Variants in GSE1 observed in about 807,000 individuals in gnomAD.
The protein encoded by GSE1 is genetic suppressor element 1.
GSE1 carries 32 observed loss-of-function variants against 112.6 expected under a neutral mutation model. That is an observed-to-expected ratio of 0.28 (90% CI 0.21 to 0.38). The LOEUF (loss-of-function observed/expected upper bound fraction) is 0.38. GSE1 is among the 10% of genes least tolerant of loss of function. GSE1 has a pLI of 1.00. For missense variants in GSE1, 2,348 were observed against 1,699.2 expected (o/e 1.38, Z -6.71); for synonymous variants, 1,115 against 735.6 (o/e 1.52, Z -8.35).
At chr16:85,552,089 G>A (rs1324439859), upstream of GSE1, among the ~76,000 whole-genome samples, 1 of 151,684 alleles carries the variant, frequency 6.6e-6, no homozygotes, top group Non-Finnish European at 1.5e-5. Flanking sequence ...GCAGTGGTGC[G>A]ATCTTGGCTC....
At chr16:85,617,843 C>T (rs558072236) in intron 1 of GSE1, among the ~76,000 whole-genome samples, 7 of 152,172 alleles carry the variant, frequency 4.6e-5, no homozygotes, top group Admixed American at 1.3e-4. Context: ...AGCCAGAGAC[C>T]GCCTTGCTTG....
intron 1 of GSE1, among the ~76,000 whole-genome samples, chr16:85,352,113 A>G (rs918772607): frequency 5.9e-5 from 9 of 152,194 alleles, no homozygotes; most frequent in African/African-American, 2.2e-4. Flanking sequence ...ACATACACAC[A>G]TACAGTCTTC....
At chr16:85,598,479 T>G (rs1407034897) in intron 1 of GSE1, among the ~76,000 whole-genome samples, 1 of 152,226 alleles carries the variant, frequency 6.6e-6, no homozygotes, top group African/African-American at 2.4e-5. Context: ...GAAACCAACT[T>G]TGATCTTTCA....
At chr16:85,184,112 A>G (rs2074652169) in intron 1 of GSE1, among the ~76,000 whole-genome samples, 1 of 152,210 alleles carries the variant, frequency 6.6e-6, no homozygotes, top group Non-Finnish European at 1.5e-5. Context: ...GGAAGGAATG[A>G]CAGGCTTCTG....
intron 2 of GSE1, among the ~76,000 whole-genome samples, chr16:85,499,295 C>CTTTTTTTTTT (rs568776401): frequency 5.2e-5 from 4 of 77,162 alleles, no homozygotes; most frequent in African/African-American, 2.1e-4. Context: ...GGAAAGTCAC[C>CTTTTTTTTTT]TTTTTTTTTT....
At chr16:85,589,781 A>G (rs1483671042) in intron 1 of GSE1, among the ~76,000 whole-genome samples, 2 of 151,722 alleles carry the variant, frequency 1.3e-5, no homozygotes, top group African/African-American at 2.4e-5. Flanking sequence ...TTGTGAATGT[A>G]TGTGTGAATA....
chr16:85,635,113 G>A (rs138498255), intron 2 of GSE1, among the ~76,000 whole-genome samples: 1 of 152,282 alleles, frequency 6.6e-6, no homozygotes, highest in Non-Finnish European at 1.5e-5. Context: ...TTGGCAGAGG[G>A]GACACCTGCC....
At chr16:85,471,830 C>A (rs1432576470) in intron 2 of GSE1, among the ~76,000 whole-genome samples, 1 of 152,250 alleles carries the variant, frequency 6.6e-6, no homozygotes, top group African/African-American at 2.4e-5. Flanking sequence ...CCCGCCTCAG[C>A]CTCCCGAGCA....
intron 1 of GSE1, among the ~76,000 whole-genome samples, chr16:85,342,096 G>T (rs1292832898): frequency 2.6e-5 from 4 of 151,946 alleles, no homozygotes; most frequent in African/African-American, 7.3e-5. Context: ...GCCCATCACT[G>T]CCACCTCCCT....
intron 2 of GSE1, among the ~76,000 whole-genome samples, chr16:85,418,491 C>A (rs536782609): frequency 6.6e-6 from 1 of 152,204 alleles, no homozygotes; most frequent in African/African-American, 2.4e-5. Flanking sequence ...CCCGCCTCCT[C>A]CAGGAAGCCC....
intron 2 of GSE1, among the ~76,000 whole-genome samples, chr16:85,379,079 C>T (rs1003425902): frequency 6.6e-6 from 1 of 152,150 alleles, no homozygotes; most frequent in Non-Finnish European, 1.5e-5. Flanking sequence ...TATGACTCTC[C>T]CCAGAGAGCT....
At chr16:85,563,347 A>AG (rs1351802227) in intron 1 of GSE1, among the ~76,000 whole-genome samples, 2 of 152,178 alleles carry the variant, frequency 1.3e-5, no homozygotes, top group Admixed American at 6.5e-5. Flanking sequence ...AGGAAAAAAA[A>AG]TCAGTGAGAA....
At chr16:85,597,678 C>G (rs1331430040) in intron 1 of GSE1, among the ~76,000 whole-genome samples, 1 of 152,132 alleles carries the variant, frequency 6.6e-6, no homozygotes, top group East Asian at 1.9e-4. Flanking sequence ...GCCATGTTGC[C>G]TAGACTGGTC....
chr16:85,497,928 G>A (rs982225317), intron 2 of GSE1, among the ~76,000 whole-genome samples: 4 of 152,178 alleles, frequency 2.6e-5, no homozygotes, highest in Non-Finnish European at 1.5e-5. Flanking sequence ...AAAGCCTGGG[G>A]AGCTGACATC....
intron 6 of GSE1, 141 bp from the exon 7 acceptor site, chr16:85,656,202 C>A: frequency 9.5e-7 from 1 of 1,049,996 alleles, no homozygotes; most frequent in Non-Finnish European, 1.4e-6. Context: ...TCTTCCTGCA[C>A]CAGTGAAACC....
chr16:85,220,686 G>C (rs1315493837), intron 1 of GSE1, among the ~76,000 whole-genome samples: 1 of 152,152 alleles, frequency 6.6e-6, no homozygotes, highest in Non-Finnish European at 1.5e-5. Context: ...TTGCTGCCTG[G>C]AGTCCCTGGC....
intron 2 of GSE1, among the ~76,000 whole-genome samples, chr16:85,434,592 C>A (rs1394326325): frequency 6.6e-6 from 1 of 152,004 alleles, no homozygotes; most frequent in Non-Finnish European, 1.5e-5. Context: ...CTGAGACAGG[C>A]GGATCACTTG....
intron 2 of GSE1, among the ~76,000 whole-genome samples, chr16:85,365,584 T>C (rs772860762): frequency 6.6e-6 from 1 of 152,158 alleles, no homozygotes; most frequent in Non-Finnish European, 1.5e-5. Context: ...GGGGACCACA[T>C]TCAGTAGATG....
chr16:85,616,004 C>G (rs766840654), intron 1 of GSE1, among the ~76,000 whole-genome samples: 1 of 152,250 alleles, frequency 6.6e-6, no homozygotes, highest in Non-Finnish European at 1.5e-5. Flanking sequence ...AGTCACTTCC[C>G]TGTCTCTGGG....
Sources: gnomAD v4.1 joint callset for allele counts (sites outside exome capture counted in the v4.1 genomes callset) on GRCh38, gnomAD v4.1.1 for gene constraint, MANE v1.5 for transcripts, NCBI Gene and HGNC (gene_info 2026-07-23, HGNC 2026-07-21) for gene names.